Variants in TAF1B observed in about 807,000 individuals in gnomAD.
TAF1B encodes TATA box-binding protein-associated factor RNA polymerase I subunit B.
Under a neutral mutation model 83.9 loss-of-function variants are expected in TAF1B, and 61 were observed. That is an observed-to-expected ratio of 0.73 (90% CI 0.59 to 0.90). The LOEUF (loss-of-function observed/expected upper bound fraction) is 0.90, where lower values mean the gene tolerates loss of function less well. Among genes scored for constraint, TAF1B ranks in the 40% least tolerant of loss-of-function variants. The pLI, the probability that TAF1B is intolerant of heterozygous loss-of-function variation, is 0.00. For synonymous variants in TAF1B, 221 were observed against 224.6 expected, an observed-to-expected ratio of 0.98 and a Z score of 0.14; for missense variants, 625 against 677.0, an observed-to-expected ratio of 0.92 and a Z score of 0.85.
At chr2:9,889,653 A>G (rs943180584) in intron 8 of TAF1B, among the ~76,000 whole-genome samples, 3 of 152,052 alleles carry the variant, frequency 2.0e-5, no homozygotes, top group African/African-American at 7.2e-5. Context: ...ATTAGATGCA[A>G]TCATTGTAAT....
intron 7 of TAF1B, 120 bp downstream of exon 7, chr2:9,876,138 T>G (rs1220791656): frequency 1.0e-6 from 1 of 955,074 alleles, no homozygotes; most frequent in Non-Finnish European, 1.5e-6. Context: ...CTGGAAAGGT[T>G]GAGTAGCCTG....
In TAF1B at chr2:9,851,591, C is replaced by G. The variant is rs755273405; in HGVS notation, c.256C>G (p.Gln86Glu). 3 of 1,612,760 alleles carry G rather than the reference C, an allele frequency of 1.9e-6. No individual in the cohort carries two copies. The Admixed American group carries it at 5.0e-5, about 27-fold the overall frequency. Residue 86 changes from glutamine to glutamate, a missense_variant, in exon 4 of 15, where the codon CAA (glutamine) becomes GAA (glutamate). Coordinates refer to ENST00000263663, the MANE Select transcript of TAF1B (RefSeq NM_005680.3). ...VCEGFQYILY[Q>E]QAEALKNLGV... ...TGAAGGTTTCCAGTATATTCTTTATCAACAAGCAGAAGCCTTAAAGAACCT... is the reference window on the plus strand; with the variant it reads ...TGAAGGTTTCCAGTATATTCTTTATGAACAAGCAGAAGCCTTAAAGAACCT...
chr2:9,862,724 C>T (rs1663817183), intron 5 of TAF1B, among the ~76,000 whole-genome samples: 1 of 152,176 alleles, frequency 6.6e-6, no homozygotes, highest in African/African-American at 2.4e-5. Flanking sequence ...AAGGGAAGCC[C>T]ATCAGACTAA....
At chr2:9,843,668 T>C in intron 1 of TAF1B, 109 bp downstream of exon 1, 4 of 1,254,440 alleles carry the variant, frequency 3.2e-6, no homozygotes, top group Non-Finnish European at 4.3e-6. Context: ...CGCCACCGGC[T>C]GGAGGAAGGC....
intron 5 of TAF1B, among the ~76,000 whole-genome samples, chr2:9,857,228 G>A (rs998376662): frequency 1.3e-5 from 2 of 152,186 alleles, no homozygotes; most frequent in Admixed American, 6.5e-5. Flanking sequence ...ATGCAGATAC[G>A]CATTTTAAGA....
intron 5 of TAF1B, among the ~76,000 whole-genome samples, chr2:9,858,324 G>T (rs914290273): frequency 6.6e-6 from 1 of 152,228 alleles, no homozygotes; most frequent in African/African-American, 2.4e-5. Flanking sequence ...TGCAAGGGGT[G>T]GTTTCACAAG....
chr2:9,892,408 G>C (rs1214612212), intron 8 of TAF1B, among the ~76,000 whole-genome samples: 1 of 152,156 alleles, frequency 6.6e-6, no homozygotes, highest in African/African-American at 2.4e-5. Flanking sequence ...ACTCTGCTGT[G>C]CGGTAGATCT....
chr2:9,896,110 G>A (rs760171021), intron 8 of TAF1B, among the ~76,000 whole-genome samples: 3 of 152,086 alleles, frequency 2.0e-5, no homozygotes, highest in Non-Finnish European at 4.4e-5. Flanking sequence ...GTAATGAAAT[G>A]GACCTGTATC....
At chr2:9,876,069 T>C in intron 7 of TAF1B, 51 bp downstream of exon 7, 1 of 1,489,770 alleles carries the variant, frequency 6.7e-7, no homozygotes, top group East Asian at 2.3e-5. Flanking sequence ...CTACATGAAC[T>C]AAGTAGACAA....
intron 7 of TAF1B, among the ~76,000 whole-genome samples, chr2:9,879,339 GA>G (rs1466985085): frequency 6.6e-6 from 1 of 152,194 alleles, no homozygotes; most frequent in African/African-American, 2.4e-5. Flanking sequence ...ATGAGCCAAT[GA>G]ACTACAAGTA....
chr2:9,860,482 G>A (rs574396752), intron 5 of TAF1B, among the ~76,000 whole-genome samples: 2 of 152,248 alleles, frequency 1.3e-5, no homozygotes, highest in African/African-American at 4.8e-5. Flanking sequence ...TTAAAATGTG[G>A]TATGGGAGGG....
intron 12 of TAF1B, among the ~76,000 whole-genome samples, chr2:9,917,305 G>C (rs1321551805): frequency 6.6e-6 from 1 of 152,126 alleles, no homozygotes; most frequent in Non-Finnish European, 1.5e-5. Flanking sequence ...TTTGCTAAAT[G>C]ATATTACTAA....
chr2:9,851,732 A>G lies in TAF1B; in HGVS notation c.303+94A>G, dbSNP rs566817285. On this transcript the variant is annotated intron_variant, in intron 4 of 14. Transcript: ENST00000263663. ...GAACTAAGGAGAAATCAGTAGTAAC[A>G]CTAGGGCTACTGGAAGAATAATTTT... The G allele has an allele frequency of 5.1e-6, 5 of 978,408 alleles. No homozygotes were observed. The South Asian group carries it at 6.2e-5, about 12-fold the overall frequency. 60.6% of individuals were successfully genotyped at this position (978,408 alleles called of 1,614,324 possible).
chr2:9,866,058 A>G (rs1014096968), intron 5 of TAF1B, among the ~76,000 whole-genome samples: 2 of 151,622 alleles, frequency 1.3e-5, no homozygotes, highest in African/African-American at 4.8e-5. Flanking sequence ...ACCAAAAGCA[A>G]TGGCAACAAA....
rs2125158118 is a variant in TAF1B, at chr2:9,887,150, C to G, written c.807+4345C>G. On this transcript the variant is annotated intron_variant, in intron 8 of 14. Transcript: ENST00000263663. ...TAATAGTCGCATTTATTTCTGACGG[C>G]AATTCACAGTTTCAACCTGAAATAT... 3.9e-5 allele frequency among the ~76,000 whole-genome samples: 6 copies of G among 152,246 alleles called. 1 individual carries two copies. The Middle Eastern group carries it at 0.017, about 432-fold the overall frequency.
At position 9,910,875 on chromosome 2, in the gene TAF1B, A is replaced by G. The variant is rs202132527; in HGVS notation, c.1095A>G (p.Val365=). 2.0e-5 allele frequency: 32 copies of G among 1,612,430 alleles called. No individual in the cohort carries two copies. The highest frequency in any genetic ancestry group is 2.6e-5 in the Non-Finnish European group (31 of 1,179,220). ...DVQAVAIIVV[V]LKLLFLLDDS... ...AAGCTGTAGCTATCATTGTGGTGGT[A>G]TTGAAACTGCTCTTTCTATTGGATG... The change falls in exon 10 of 15, where the codon GTA becomes GTG. Residue 365 remains valine, a synonymous_variant. Coordinates refer to ENST00000263663, the MANE Select transcript of TAF1B (RefSeq NM_005680.3).
chr2:9,931,306 C>T (rs1274877744), intron 14 of TAF1B, among the ~76,000 whole-genome samples: 8 of 152,284 alleles, frequency 5.3e-5, no homozygotes, highest in Non-Finnish European at 1.0e-4. Flanking sequence ...CGGCTGATAC[C>T]GGTTGCTCCT....
intron 8 of TAF1B, among the ~76,000 whole-genome samples, chr2:9,900,694 G>A (rs1558257660): frequency 6.6e-6 from 1 of 152,160 alleles, no homozygotes; most frequent in Non-Finnish European, 1.5e-5. Context: ...AGGCTTGGAG[G>A]TGGAGTAAAC....
intron 12 of TAF1B, chr2:9,913,702 A>G (rs1356634280): frequency 6.5e-6 from 1 of 152,802 alleles, no homozygotes; most frequent in Admixed American, 6.5e-5. Context: ...AAATTAAAAC[A>G]AAGGAAAGCA....
Sources: allele counts gnomAD v4.1 joint callset (sites outside exome capture counted in the v4.1 genomes callset), GRCh38; gene constraint gnomAD v4.1.1; transcripts MANE v1.5; gene names NCBI Gene and HGNC (gene_info 2026-07-23, HGNC 2026-07-21).